Variants in CSMD1 observed in about 807,000 individuals in gnomAD.
CSMD1 encodes CUB and sushi domain-containing protein 1.
CSMD1 carries 213 observed loss-of-function variants against 417.5 expected under a neutral mutation model. That is an observed-to-expected ratio of 0.51 (90% CI 0.46 to 0.57). The LOEUF (loss-of-function observed/expected upper bound fraction) is 0.57, where lower values mean the gene tolerates loss of function less well. Among genes scored for constraint, CSMD1 ranks in the 20% least tolerant of loss-of-function variants. CSMD1 has a pLI of 0.00. For synonymous variants in CSMD1, 2,862 were observed against 1,736.8 expected (o/e 1.65, Z -16.11); for missense variants, 6,923 against 4,529.7 (o/e 1.53, Z -15.17).
At chr8:3,789,653 A>C (rs1198685181) in intron 5 of CSMD1, among the ~76,000 whole-genome samples, 1 of 151,804 alleles carries the variant, frequency 6.6e-6, no homozygotes, top group Non-Finnish European at 1.5e-5. Context: ...GTGAAAACCC[A>C]AAATTGCTTA....
At chr8:4,963,523 G>T (rs951574887) in intron 1 of CSMD1, among the ~76,000 whole-genome samples, 4 of 152,070 alleles carry the variant, frequency 2.6e-5, no homozygotes, top group African/African-American at 9.7e-5. Flanking sequence ...CTACCTCCTA[G>T]AAATAGATTT....
At chr8:3,355,544 G>C (rs867703421) in intron 21 of CSMD1, among the ~76,000 whole-genome samples, 2 of 152,244 alleles carry the variant, frequency 1.3e-5, no homozygotes, top group South Asian at 2.1e-4. Context: ...GCCAATGAGA[G>C]GAAACCCAGG....
intron 3 of CSMD1, among the ~76,000 whole-genome samples, chr8:4,318,502 A>C (rs1799067561): frequency 6.6e-6 from 1 of 152,158 alleles, no homozygotes; most frequent in Non-Finnish European, 1.5e-5. Flanking sequence ...GGACCTACTC[A>C]ACTGGCGAGA....
chr8:3,249,655 T>C (rs1274222359), intron 26 of CSMD1, among the ~76,000 whole-genome samples: 2 of 152,230 alleles, frequency 1.3e-5, no homozygotes, highest in Non-Finnish European at 1.5e-5. Context: ...ATTAAAACAT[T>C]GATGTATTAA....
At chr8:4,270,336 G>A (rs1469678620) in intron 3 of CSMD1, among the ~76,000 whole-genome samples, 2 of 151,662 alleles carry the variant, frequency 1.3e-5, no homozygotes, top group African/African-American at 2.4e-5. Flanking sequence ...AACAAACCAC[G>A]ATTCACACTC....
In CSMD1 at chr8:3,643,377, G is replaced by C. The variant is rs548906673; in HGVS notation, c.1010-26580C>G. ...AAATGGGGTTTACAAGCTGATGACA[G>C]ACCTCCAGAGTCCCTGAGTGCCTTA... On this transcript the variant is annotated intron_variant, in intron 7 of 69. Coordinates refer to ENST00000635120, the MANE Select transcript of CSMD1 (RefSeq NM_033225.6). Among the ~76,000 whole-genome samples, 8 of 152,228 alleles carry C rather than the reference G, an allele frequency of 5.3e-5. No individual in the cohort carries two copies. The South Asian group carries it at 1.2e-3, about 24-fold the overall frequency.
intron 3 of CSMD1, among the ~76,000 whole-genome samples, chr8:4,069,924 A>G (rs1233383271): frequency 6.6e-6 from 1 of 152,168 alleles, no homozygotes; most frequent in Non-Finnish European, 1.5e-5. Flanking sequence ...ACCACTTTGT[A>G]TAAAATTGCA....
At chr8:4,371,220 C>T (rs553207749) in intron 3 of CSMD1, among the ~76,000 whole-genome samples, 2 of 152,140 alleles carry the variant, frequency 1.3e-5, no homozygotes, top group African/African-American at 4.8e-5. Context: ...GGGCTACATG[C>T]TCTCACCGTG....
chr8:3,221,185 C>T (rs1207238711), intron 28 of CSMD1, among the ~76,000 whole-genome samples: 1 of 152,180 alleles, frequency 6.6e-6, no homozygotes, highest in African/African-American at 2.4e-5. Flanking sequence ...AGCATCGGTG[C>T]AACGCCCAGC....
intron 12 of CSMD1, among the ~76,000 whole-genome samples, chr8:3,442,830 A>T (rs75549495): frequency 1.5e-4 from 22 of 150,018 alleles, no homozygotes; most frequent in Non-Finnish European, 2.8e-4. Context: ...TAGTACATAG[A>T]TTTTTTTTTT....
chr8:4,009,835 A>G (rs1183717380), intron 4 of CSMD1, among the ~76,000 whole-genome samples: 1 of 151,860 alleles, frequency 6.6e-6, no homozygotes, highest in African/African-American at 2.4e-5. Context: ...AGTCAACCCC[A>G]CTTACTTCAT....
intron 3 of CSMD1, among the ~76,000 whole-genome samples, chr8:4,166,798 G>A (rs149395729): frequency 2.0e-5 from 3 of 152,176 alleles, no homozygotes; most frequent in Admixed American, 1.3e-4. Flanking sequence ...TGATCAGGGT[G>A]TGTTTAATGA....
At chr8:3,078,316 G>A (rs1813836016) in intron 49 of CSMD1, among the ~76,000 whole-genome samples, 1 of 152,186 alleles carries the variant, frequency 6.6e-6, no homozygotes, top group South Asian at 2.1e-4. Context: ...CACACAGTTA[G>A]AATAGGTGAA....
chr8:3,659,362 C>G (rs1224537147), intron 7 of CSMD1, among the ~76,000 whole-genome samples: 1 of 152,302 alleles, frequency 6.6e-6, no homozygotes, highest in African/African-American at 2.4e-5. Flanking sequence ...ATCTAGTTTA[C>G]TACCCACTGA....
At chr8:4,304,420 G>A (rs994954125) in intron 3 of CSMD1, among the ~76,000 whole-genome samples, 1 of 152,110 alleles carries the variant, frequency 6.6e-6, no homozygotes, top group African/African-American at 2.4e-5. Context: ...AGCGACAGAA[G>A]GTGAATTTAA....
intron 1 of CSMD1, among the ~76,000 whole-genome samples, chr8:4,963,132 A>G (rs1001888890): frequency 1.3e-5 from 2 of 152,130 alleles, no homozygotes; most frequent in African/African-American, 4.8e-5. Flanking sequence ...TGGCCCTCCT[A>G]CAGGCAGTCA....
At chr8:3,650,325 T>A (rs1205263231) in intron 7 of CSMD1, among the ~76,000 whole-genome samples, 1 of 152,124 alleles carries the variant, frequency 6.6e-6, no homozygotes, top group African/African-American at 2.4e-5. Context: ...ATGATTGAGT[T>A]TCAAGTTGAG....
intron 2 of CSMD1, among the ~76,000 whole-genome samples, chr8:4,463,263 G>T (rs1292599509): frequency 6.6e-6 from 1 of 151,986 alleles, no homozygotes; most frequent in African/African-American, 2.4e-5. Flanking sequence ...ACTAAAATAG[G>T]TACCATCAAA....
At chr8:4,978,643 A>G (rs567710678) in intron 1 of CSMD1, among the ~76,000 whole-genome samples, 21 of 152,356 alleles carry the variant, frequency 1.4e-4, no homozygotes, top group Admixed American at 5.9e-4. Context: ...GTAAGCAGTT[A>G]GAAAAATATA....
Sources: gnomAD v4.1 joint callset for allele counts (sites outside exome capture counted in the v4.1 genomes callset) on GRCh38, gnomAD v4.1.1 for gene constraint, MANE v1.5 for transcripts, NCBI Gene and HGNC (gene_info 2026-07-23, HGNC 2026-07-21) for gene names.